PKHD1: variants seen among roughly 807,000 people sequenced by gnomAD.
The protein encoded by PKHD1 is PKHD1 ciliary IPT domain containing fibrocystin/polyductin.
Under a neutral mutation model 412.0 loss-of-function variants are expected in PKHD1, and 291 were observed. The observed-to-expected ratio is 0.71, with a 90% CI of 0.64 to 0.78. The LOEUF is 0.78. Ranked by LOEUF, PKHD1 falls within the 30% of genes least tolerant of loss-of-function variation. PKHD1 has a pLI of 0.00. For synonymous variants in PKHD1, 1,777 were observed against 1,821.5 expected (o/e 0.98, Z 0.62); for missense variants, 4,825 against 4,950.7 (o/e 0.97, Z 0.76).
chr6:51,647,454 T>C (rs1000056142), intron 63 of PKHD1, among the ~76,000 whole-genome samples: 2 of 152,042 alleles, frequency 1.3e-5, no homozygotes, highest in African/African-American at 2.4e-5. Context: ...TCAAGGAAAG[T>C]AAGTGGAGCT....
chr6:51,803,907 C>T (rs1473804573), intron 52 of PKHD1, among the ~76,000 whole-genome samples: 1 of 151,290 alleles, frequency 6.6e-6, no homozygotes, highest in African/African-American at 2.5e-5. Context: ...GGGGTTTCAC[C>T]ATGTTGGCCA....
intron 60 of PKHD1, among the ~76,000 whole-genome samples, chr6:51,677,465 G>A (rs1227365664): frequency 6.6e-6 from 1 of 152,158 alleles, no homozygotes; most frequent in African/African-American, 2.4e-5. Flanking sequence ...ATATGCATCT[G>A]CAGGTGTAAA....
intron 63 of PKHD1, among the ~76,000 whole-genome samples, chr6:51,642,846 A>C (rs1294953280): frequency 6.6e-6 from 1 of 152,122 alleles, no homozygotes; most frequent in East Asian, 1.9e-4. Flanking sequence ...CCTCAAAAAA[A>C]AGTAAGGTAT....
chr6:51,805,083 G>A (rs1005749876), intron 52 of PKHD1, among the ~76,000 whole-genome samples: 7 of 152,136 alleles, frequency 4.6e-5, no homozygotes, highest in African/African-American at 1.4e-4. Flanking sequence ...GCACTTGTAG[G>A]TTTATCACAG....
intron 60 of PKHD1, among the ~76,000 whole-genome samples, chr6:51,690,271 CAAAAAAAAAAAAAAAA>C (rs70977310): frequency 2.6e-4 from 29 of 109,914 alleles, no homozygotes; most frequent in African/African-American, 4.0e-4. Flanking sequence ...GACTCCATCT[CAAAAAAAAAAAAAAAA>C]AAAAAAAAAA....
At chr6:51,974,858 A>G (rs1794161437) in intron 35 of PKHD1, among the ~76,000 whole-genome samples, 1 of 152,194 alleles carries the variant, frequency 6.6e-6, no homozygotes, top group African/African-American at 2.4e-5. Context: ...CTATTGAAAT[A>G]AAAAATAAAA....
At chr6:51,950,220 A>AATATATATATAT (rs1333126139) in intron 36 of PKHD1, among the ~76,000 whole-genome samples, 20 of 98,262 alleles carry the variant, frequency 2.0e-4, no homozygotes, top group East Asian at 1.1e-3. Context: ...GAAAAAAAAA[A>AATATATATATAT]ATATATATAT....
intron 66 of PKHD1, among the ~76,000 whole-genome samples, chr6:51,623,439 T>G (rs62461283): frequency 0.063 from 9,593 of 152,176 alleles, 344 homozygotes; most frequent in East Asian, 0.12. Flanking sequence ...TTTTTTGGAC[T>G]GACATTATAT....
intron 35 of PKHD1, 35 bp from the exon 36 acceptor site, chr6:51,960,061 G>A: frequency 6.2e-7 from 1 of 1,611,308 alleles, no homozygotes; most frequent in Non-Finnish European, 8.5e-7. Context: ...TGGGTTGGTT[G>A]GTTGGTTGGC....
chr6:52,045,925 T>G, intron 24 of PKHD1, 79 bp downstream of exon 24: 1 of 941,516 alleles, frequency 1.1e-6, no homozygotes, highest in African/African-American at 1.6e-5. Flanking sequence ...AGTTTCCATT[T>G]GTATAATTCT....
Position 52,069,443 on chromosome 6 carries a change from A to C in PKHD1, c.778+14T>G. The stretch of plus-strand genomic sequence containing the variant: ...GGCACAAGGGAAGGGGTACTTGGTG[A>C]AGGGGGATAGTACCTGAGTGTGTCT... On this transcript the variant is annotated intron_variant, in intron 11 of 66. Coordinates refer to ENST00000371117, the MANE Select transcript of PKHD1 (RefSeq NM_138694.4). 6.3e-7 allele frequency: 1 copy of C among 1,588,296 alleles called. No individual in the cohort carries two copies. Among genetic ancestry groups the C allele is most frequent in the Non-Finnish European group, 8.6e-7 (1 of 1,156,460 alleles).
chr6:51,746,976 A>G, intron 58 of PKHD1, 87 bp from the exon 59 acceptor site: 2 of 821,028 alleles, frequency 2.4e-6, no homozygotes, highest in Non-Finnish European at 3.9e-6. Flanking sequence ...TATTGTTATA[A>G]TAATGTATAC....
intron 60 of PKHD1, 121 bp downstream of exon 60, chr6:51,744,264 A>T (rs1267172116): frequency 1.2e-6 from 1 of 862,466 alleles, no homozygotes; most frequent in South Asian, 1.3e-5. Flanking sequence ...ATTAGCACAG[A>T]CTCCAACTCT....
chr6:51,882,395 T>G (rs893684204), intron 46 of PKHD1, among the ~76,000 whole-genome samples: 4 of 152,252 alleles, frequency 2.6e-5, no homozygotes, highest in Admixed American at 6.5e-5. Context: ...TATCTATAGC[T>G]GTGAAATAAA....
rs745890904 is a variant in PKHD1, at chr6:51,616,444, A to G, written c.*2637T>C. 4 of 380,188 alleles carry G rather than the reference A, an allele frequency of 1.1e-5. No homozygotes were observed. The highest frequency in any genetic ancestry group is 1.9e-5 in the Non-Finnish European group (4 of 214,716). The allele number at this position is 380,188 out of a possible 1,614,324, so 23.6% of individuals were successfully genotyped here. ...CTGAATAAATTTAGAGTTGGCCTAC[A>G]GTGGTGCTCAAATTGGCTCATCTCC... On this transcript the variant is annotated 3_prime_UTR_variant, in exon 67 of 67. Coordinates refer to ENST00000371117, the MANE Select transcript of PKHD1 (RefSeq NM_138694.4).
intron 60 of PKHD1, among the ~76,000 whole-genome samples, chr6:51,730,928 G>A (rs554596552): frequency 1.3e-5 from 2 of 152,236 alleles, no homozygotes; most frequent in African/African-American, 4.8e-5. Context: ...TTTTTGAGAG[G>A]TTGAAGGGAG....
intron 49 of PKHD1, among the ~76,000 whole-genome samples, chr6:51,852,583 TC>T (rs2151660834): frequency 6.6e-6 from 1 of 152,328 alleles, no homozygotes; most frequent in South Asian, 2.1e-4. Flanking sequence ...ATCTGGGTGC[TC>T]CTGTATTGGG....
intron 36 of PKHD1, among the ~76,000 whole-genome samples, chr6:51,934,752 A>G (rs910717039): frequency 2.0e-5 from 3 of 151,876 alleles, no homozygotes; most frequent in Non-Finnish European, 4.4e-5. Context: ...TAGGGCTAAC[A>G]CTGTGGCATT....
chr6:51,960,093 G>C (rs1791785599), intron 35 of PKHD1, 67 bp from the exon 36 acceptor site: 1 of 1,497,154 alleles, frequency 6.7e-7, no homozygotes, highest in Non-Finnish European at 9.3e-7. Context: ...TTCGTTGGTT[G>C]GTTCGCTGGT....
Sources: allele counts gnomAD v4.1 joint callset (sites outside exome capture counted in the v4.1 genomes callset), GRCh38; gene constraint gnomAD v4.1.1; transcripts MANE v1.5; gene names NCBI Gene and HGNC (gene_info 2026-07-23, HGNC 2026-07-21).